PCBP3: variants seen among roughly 807,000 people sequenced by gnomAD.
PCBP3 encodes the protein poly(rC)-binding protein 3.
Under a neutral mutation model 52.7 loss-of-function variants are expected in PCBP3, and 25 were observed. The ratio of observed to expected loss-of-function variants is 0.47; its 90% CI spans 0.35 to 0.66. PCBP3 has a LOEUF of 0.66. PCBP3 is among the 30% of genes least tolerant of loss of function. The pLI is 0.01. For missense variants in PCBP3, 391 were observed against 490.3 expected (o/e 0.80, Z 1.91); for synonymous variants, 162 against 183.0 (o/e 0.89, Z 0.93).
chr21:45,673,023 C>T (rs139231133), intron 2 of PCBP3, among the ~76,000 whole-genome samples: 68 of 152,254 alleles, frequency 4.5e-4, no homozygotes, highest in African/African-American at 1.6e-3. Context: ...TTCAGGTGAT[C>T]AAGGGTAAAC....
At chr21:45,900,801 A>G (rs2075888) in intron 8 of PCBP3, among the ~76,000 whole-genome samples, 178 bp downstream of exon 8, 49,561 of 152,088 alleles carry the variant, frequency 0.33, 9,097 homozygotes, top group East Asian at 0.68. Flanking sequence ...GTGGGGAAGG[A>G]ATCTGTTGGA....
Position 45,781,296 on chromosome 21 carries a change from T to G in PCBP3, c.-126+25844T>G, listed in dbSNP as rs180719343. 2.0e-5 allele frequency among the ~76,000 whole-genome samples: 3 copies of G among 152,274 alleles called. No homozygotes were observed. The East Asian group carries it at 5.8e-4, about 29-fold the overall frequency. ...TCACATATCTAATGTATCTAACATG[T>G]GTAAAGAACTCTTAAAATGCAGTAC... is the stretch of plus-strand genomic sequence containing the variant. On this transcript the variant is annotated intron_variant, in intron 4 of 17. Transcript: ENST00000681687.
At chr21:45,646,093 C>CTCTCTCTCTTTCTCTT (rs1555895760) in intron 1 of PCBP3, among the ~76,000 whole-genome samples, 1 of 81,336 alleles carries the variant, frequency 1.2e-5, no homozygotes, top group Non-Finnish European at 2.6e-5. Flanking sequence ...TTCTCTCTCT[C>CTCTCTCTCTTTCTCTT]TCTCTCTCTC....
At chr21:45,678,588 A>G (rs1349949222) in intron 2 of PCBP3, among the ~76,000 whole-genome samples, 1 of 151,948 alleles carries the variant, frequency 6.6e-6, no homozygotes, top group South Asian at 2.1e-4. Flanking sequence ...AAACAGCAAG[A>G]GAACTAGAAT....
chr21:45,661,121 T>C (rs1285661292), intron 1 of PCBP3, among the ~76,000 whole-genome samples: 1 of 152,244 alleles, frequency 6.6e-6, no homozygotes, highest in Non-Finnish European at 1.5e-5. Context: ...CAGTTATCTG[T>C]ACTTGTTACA....
At chr21:45,813,689 C>A (rs1215676640) in intron 4 of PCBP3, among the ~76,000 whole-genome samples, 1 of 152,238 alleles carries the variant, frequency 6.6e-6, no homozygotes, top group Non-Finnish European at 1.5e-5. Flanking sequence ...AGTGATCCAC[C>A]TGCCTTGGCC....
In PCBP3 at chr21:45,817,009, A is replaced by G. The variant is rs1202439674; in HGVS notation, c.-125-32952A>G. 6.6e-6 allele frequency among the ~76,000 whole-genome samples: 1 copy of G among 152,054 alleles called. No individual in the cohort carries two copies. The highest frequency in any genetic ancestry group is 1.5e-5 in the Non-Finnish European group (1 of 68,004). ...TGATGGGACTTTTCAGCTCCATTCT[A>G]ATTTTAAGGGACGGCTGTGGTATAT... On this transcript the variant is annotated intron_variant, in intron 4 of 17. Coordinates refer to ENST00000681687, the MANE Select transcript of PCBP3 (RefSeq NM_001384156.1). This position sits in a 1 kb window ranked among gnomAD's most constrained non-coding sequence, Gnocchi z 4.3.
rs374661199 is a variant in PCBP3, at chr21:45,926,237, A to G, written c.718-3680A>G. On this transcript the variant is annotated intron_variant, in intron 13 of 17. Transcript: ENST00000681687. ...AGCTGACCTGAGGTTGCAGTGCAGCACGTTACCCCCACGTGTGCTGCTGGT... is the reference window on the plus strand; with the variant it reads ...AGCTGACCTGAGGTTGCAGTGCAGCGCGTTACCCCCACGTGTGCTGCTGGT... Among the ~76,000 whole-genome samples the G allele has an allele frequency of 6.0e-4, 91 of 152,322 alleles. 1 individual carries two copies. The South Asian group carries it at 0.019, about 31-fold the overall frequency.
At chr21:45,847,851 T>C (rs2093849591) in intron 4 of PCBP3, among the ~76,000 whole-genome samples, 1 of 152,222 alleles carries the variant, frequency 6.6e-6, no homozygotes, top group Non-Finnish European at 1.5e-5. Context: ...TTGTCGATTA[T>C]TTTTTTCCTA....
chr21:45,939,981 G>A (rs755210852), intron 16 of PCBP3, 49 bp from the exon 17 acceptor site: 2 of 1,561,056 alleles, frequency 1.3e-6, no homozygotes, highest in Non-Finnish European at 1.8e-6. Flanking sequence ...CAGTCTTCAG[G>A]GGCTGGCTTG....
chr21:45,818,170 G>A (rs1008205562), intron 4 of PCBP3, among the ~76,000 whole-genome samples: 5 of 152,168 alleles, frequency 3.3e-5, no homozygotes, highest in Middle Eastern at 3.4e-3. Context: ...CTACAGGTGC[G>A]TGCCACCAAG....
intron 4 of PCBP3, among the ~76,000 whole-genome samples, chr21:45,778,062 T>C (rs1430599990): frequency 6.6e-6 from 1 of 152,182 alleles, no homozygotes; most frequent in Non-Finnish European, 1.5e-5. Context: ...TTCCTATTTT[T>C]GAATTCACTT....
intron 2 of PCBP3, among the ~76,000 whole-genome samples, chr21:45,674,165 A>G (rs1302171980): frequency 6.6e-6 from 1 of 152,142 alleles, no homozygotes; most frequent in Non-Finnish European, 1.5e-5. Flanking sequence ...TTAAATGTAA[A>G]TCCACCATGT....
At chr21:45,682,107 A>G (rs1018782962) in intron 2 of PCBP3, among the ~76,000 whole-genome samples, 1 of 152,144 alleles carries the variant, frequency 6.6e-6, no homozygotes. Flanking sequence ...GTCTGGAGTG[A>G]GCAGTTATTT....
chr21:45,767,616 C>T (rs560306289), intron 4 of PCBP3, among the ~76,000 whole-genome samples: 3 of 152,342 alleles, frequency 2.0e-5, no homozygotes, highest in South Asian at 2.1e-4. Context: ...CCACAGCAGC[C>T]GCACTGCACT....
intron 5 of PCBP3, among the ~76,000 whole-genome samples, chr21:45,852,385 G>GCAGCCACCC (rs1255041053): frequency 1.6e-4 from 21 of 128,948 alleles, no homozygotes; most frequent in African/African-American, 4.7e-4. Context: ...ACACAGCCCT[G>GCAGCCACCC]TAGCCACCCT....
chr21:45,909,992 CCTCACCTGCTTCCCAAATATGGACCTGG>C (rs2096326300), intron 10 of PCBP3, among the ~76,000 whole-genome samples: 1 of 87,458 alleles, frequency 1.1e-5, no homozygotes, highest in South Asian at 5.2e-4. Context: ...TACGGACCCC[CCTCACCTGCTTCCCAAATATGGACCTGG>C]CCCACCCACT....
intron 2 of PCBP3, among the ~76,000 whole-genome samples, chr21:45,730,044 G>C (rs2085340466): frequency 6.6e-6 from 1 of 151,806 alleles, no homozygotes; most frequent in South Asian, 2.1e-4. Context: ...TTTTTAAAAT[G>C]GCTTTTCAGC....
At chr21:45,729,797 T>C (rs1188430325) in intron 2 of PCBP3, among the ~76,000 whole-genome samples, 1 of 152,166 alleles carries the variant, frequency 6.6e-6, no homozygotes, top group African/African-American at 2.4e-5. Flanking sequence ...TTTTTACTTC[T>C]ATTTATATAT....
Sources: gnomAD v4.1 joint callset for allele counts (sites outside exome capture counted in the v4.1 genomes callset) on GRCh38, gnomAD v4.1.1 for gene constraint, Gnocchi (gnomAD v3.1) non-coding constraint, MANE v1.5 for transcripts, NCBI Gene and HGNC (gene_info 2026-07-23, HGNC 2026-07-21) for gene names.